TEX35: variants seen among roughly 807,000 people sequenced by gnomAD.
The protein encoded by TEX35 is testis expressed 35.
A neutral mutation model predicts 31.9 loss-of-function variants in TEX35; 26 were observed. That is an observed-to-expected ratio of 0.81 (90% CI 0.60 to 1.13). The LOEUF is 1.13. Ranked by LOEUF, TEX35 falls within the 50% of genes most tolerant of loss-of-function variation. The pLI, the probability that TEX35 is intolerant of heterozygous loss-of-function variation, is 0.00. For synonymous variants in TEX35, 87 were observed against 90.7 expected (o/e 0.96, Z 0.23); for missense variants, 278 against 273.5 (o/e 1.02, Z -0.12).
chr1:178,519,481 G>T (rs139552618), intron 5 of TEX35, among the ~76,000 whole-genome samples: 1 of 151,894 alleles, frequency 6.6e-6, no homozygotes, highest in Non-Finnish European at 1.5e-5. Flanking sequence ...TGGACCTAGG[G>T]GACATTGACT....
Position 178,514,082 on chromosome 1 carries a change from G to C in TEX35, c.90+5G>C. 1 of 1,614,202 alleles carries C rather than the reference G, an allele frequency of 6.2e-7. No homozygotes were observed. ...TTGAAGCCAGAGCCGACCAAAGTAA[G>C]AAGCCCTTTTGAGGCCATGCAGGCA... On this transcript the variant is annotated splice_donor_5th_base_variant and intron_variant, in intron 2 of 8. Transcript: ENST00000319416.
chr1:178,513,175 T>A lies in TEX35; in HGVS notation c.-14T>A, dbSNP rs1649932854. The A allele has an allele frequency of 3.7e-6, 6 of 1,614,084 alleles. No homozygotes were observed. Among genetic ancestry groups the A allele is most frequent in the Non-Finnish European group, 4.2e-6 (5 of 1,180,020 alleles). ...TGTTGTGGGGAGTTGAAGAACACCC[T>A]GGCCTCCTCCATCATGTCGGCCAAG... On this transcript the variant is annotated 5_prime_UTR_variant, in exon 1 of 9. Coordinates refer to ENST00000319416, the MANE Select transcript of TEX35 (RefSeq NM_032126.5).
intron 5 of TEX35, among the ~76,000 whole-genome samples, chr1:178,519,978 G>A (rs1366984306): frequency 6.6e-6 from 1 of 152,170 alleles, no homozygotes; most frequent in East Asian, 1.9e-4. Flanking sequence ...GCAGGATCTG[G>A]GTGCATGCCA....
Position 178,513,230 on chromosome 1 carries a change from A to G in TEX35, c.39+3A>G, listed in dbSNP as rs1465094776. 3.7e-6 allele frequency: 6 copies of G among 1,614,096 alleles called. No homozygotes were observed. The highest frequency in any genetic ancestry group is 1.1e-5 in the South Asian group (1 of 91,086). On this transcript the variant is annotated splice_donor_region_variant and intron_variant, in intron 1 of 8. Coordinates refer to ENST00000319416, the MANE Select transcript of TEX35 (RefSeq NM_032126.5). ...CAGAATTGAAGAAAACACATCTGGT[A>G]AAAGAGAGACATTGCTGGACAGTGT...
intron 3 of TEX35, among the ~76,000 whole-genome samples, chr1:178,515,427 A>G (rs1650040282): frequency 6.6e-6 from 1 of 151,400 alleles, no homozygotes; most frequent in Non-Finnish European, 1.5e-5. Context: ...TACAGATTAC[A>G]GATCACTTAT....
At chr1:178,522,095 G>T (rs775638608) in intron 8 of TEX35, 9 of 673,932 alleles carry the variant, frequency 1.3e-5, no homozygotes, top group Middle Eastern at 4.3e-4. Flanking sequence ...TGGCCCATCC[G>T]CTCCCTCCAC....
At chr1:178,522,181 C>A in intron 8 of TEX35, 144 bp from the exon 9 acceptor site, 1 of 1,173,788 alleles carries the variant, frequency 8.5e-7, no homozygotes, top group Non-Finnish European at 1.2e-6. Flanking sequence ...CGAGTTCTGC[C>A]TGCACCACAC....
chr1:178,514,793 G>A (rs780712744), intron 3 of TEX35, 25 bp downstream of exon 3: 7 of 1,606,758 alleles, frequency 4.4e-6, no homozygotes, highest in South Asian at 1.1e-5. Context: ...TTGGAGGCAT[G>A]TCTATATTCC....
In TEX35 at chr1:178,513,118, G is replaced by A; in HGVS notation, c.-71G>A. On this transcript the variant is annotated 5_prime_UTR_variant, in exon 1 of 9. Coordinates refer to ENST00000319416, the MANE Select transcript of TEX35 (RefSeq NM_032126.5). ...ACCCTGCCCTCACCTTGACCTGTAA[G>A]TTGCCTAGGACAGTGGCCTGGTCCC... The A allele has an allele frequency of 6.5e-7, 1 of 1,543,354 alleles. No individual in the cohort carries two copies. The highest frequency in any genetic ancestry group is 1.1e-5 in the South Asian group (1 of 89,464).
intron 2 of TEX35, 24 bp from the exon 3 acceptor site, chr1:178,514,676 C>T: frequency 6.2e-7 from 1 of 1,612,344 alleles, no homozygotes; most frequent in South Asian, 1.1e-5. Flanking sequence ...TCCCAAAGGT[C>T]TGTGTTCCTG....
intron 3 of TEX35, among the ~76,000 whole-genome samples, chr1:178,515,594 T>TG (rs1324775337): frequency 6.6e-6 from 1 of 151,676 alleles, no homozygotes; most frequent in Non-Finnish European, 1.5e-5. Flanking sequence ...GAGATGGGGG[T>TG]GGGGGTCTCG....
chr1:178,513,621 A>T (rs1649954975), intron 1 of TEX35, among the ~76,000 whole-genome samples: 1 of 152,266 alleles, frequency 6.6e-6, no homozygotes, highest in African/African-American at 2.4e-5. Flanking sequence ...GGGCTCAGAG[A>T]GGCTAAGCAA....
chr1:178,521,064 T>C (rs1572177905), intron 7 of TEX35, 158 bp from the exon 8 acceptor site: 2 of 1,564,392 alleles, frequency 1.3e-6, no homozygotes, highest in African/African-American at 1.4e-5. Flanking sequence ...CCTCCTTAGC[T>C]GTGACCATGC....
chr1:178,522,460 A>G lies in TEX35; in HGVS notation c.*20A>G, dbSNP rs1650322269. ...AGGTGAAGCTTAACTGCCAGCTTGAAATGAGAGTAAAGAAGATACAGAGCA... is the reference window on the plus strand; with the variant it reads ...AGGTGAAGCTTAACTGCCAGCTTGAGATGAGAGTAAAGAAGATACAGAGCA... On this transcript the variant is annotated 3_prime_UTR_variant, in exon 9 of 9. Transcript: ENST00000319416. The G allele has an allele frequency of 3.2e-6, 5 of 1,568,780 alleles. No homozygotes were observed. The highest frequency in any genetic ancestry group is 1.7e-6 in the Non-Finnish European group (2 of 1,154,872).
intron 5 of TEX35, among the ~76,000 whole-genome samples, chr1:178,520,025 C>G (rs146765563): frequency 3.1e-3 from 471 of 152,268 alleles, no homozygotes; most frequent in Middle Eastern, 0.014. Context: ...TCTTTGGGGT[C>G]ACAAGATTGG....
intron 5 of TEX35, 115 bp downstream of exon 5, chr1:178,516,789 A>T: frequency 1.6e-6 from 1 of 621,544 alleles, no homozygotes; most frequent in South Asian, 2.7e-5. Context: ...CCCATATTCC[A>T]TTGCAAGAAA....
chr1:178,520,288 C>A (rs566156176), intron 5 of TEX35, 84 bp from the exon 6 acceptor site: 104 of 1,377,190 alleles, frequency 7.6e-5, no homozygotes, highest in African/African-American at 6.8e-4. Flanking sequence ...AAGTAAGATG[C>A]AGAATGGTTT....
At chr1:178,521,781 C>G (rs935578515) in intron 8 of TEX35, 2 of 1,550,208 alleles carry the variant, frequency 1.3e-6, no homozygotes, top group East Asian at 2.4e-5. Context: ...CAGGCCTCCA[C>G]TGGAGATTAA....
chr1:178,516,532 G>C, intron 4 of TEX35, 83 bp from the exon 5 acceptor site: 2 of 1,246,966 alleles, frequency 1.6e-6, no homozygotes, highest in East Asian at 2.3e-5. Context: ...ACTGCCCTTT[G>C]CTTAAAATGC....
Sources: allele counts gnomAD v4.1 joint callset (sites outside exome capture counted in the v4.1 genomes callset), GRCh38; gene constraint gnomAD v4.1.1; transcripts MANE v1.5; gene names NCBI Gene and HGNC (gene_info 2026-07-23, HGNC 2026-07-21).